CNTNAP4: variants seen among roughly 807,000 people sequenced by gnomAD.
The protein encoded by CNTNAP4 is contactin associated protein family member 4, also known as contactin-associated protein-like 4.
A neutral mutation model predicts 148.4 loss-of-function variants in CNTNAP4; 98 were observed. The observed-to-expected ratio is 0.66, with a 90% CI of 0.56 to 0.78. The LOEUF (loss-of-function observed/expected upper bound fraction) is 0.78, where lower values mean the gene tolerates loss of function less well. Among genes scored for constraint, CNTNAP4 ranks in the 30% least tolerant of loss-of-function variants. CNTNAP4 has a pLI of 0.00. For missense variants in CNTNAP4, 1,935 were observed against 1,565.6 expected, an observed-to-expected ratio of 1.24 and a Z score of -3.98; for synonymous variants, 730 against 565.1, an observed-to-expected ratio of 1.29 and a Z score of -4.14.
chr16:76,406,289 C>G (rs1382806872), intron 3 of CNTNAP4, among the ~76,000 whole-genome samples: 1 of 152,038 alleles, frequency 6.6e-6, no homozygotes, highest in Non-Finnish European at 1.5e-5. Flanking sequence ...TCATATTCAG[C>G]AGCAAACTTA....
rs370415071 is a variant in CNTNAP4 at position 76,452,642 on chromosome 16, T to C, written c.1206T>C (p.Asn402=). 2.8e-5 allele frequency: 45 copies of C among 1,613,986 alleles called. No homozygotes were observed. The African/African-American group carries it at 5.9e-4, about 21-fold the overall frequency. The change falls in exon 8 of 24, where the codon AAT becomes AAC. Residue 402 remains asparagine, a synonymous_variant. Coordinates refer to ENST00000611870, the MANE Select transcript of CNTNAP4 (RefSeq NM_033401.5). ...CCACTTTTCAATTTCGAACTTGGAA[T>C]AAGGCAGGGCTTCTGCTGTTCAGTG... ...VSATFQFRTW[N]KAGLLLFSEL...
rs149837790 is a variant in CNTNAP4, at chr16:76,467,011, T to C, written c.1484-341T>C. On this transcript the variant is annotated intron_variant, in intron 9 of 23. Coordinates refer to ENST00000611870, the MANE Select transcript of CNTNAP4 (RefSeq NM_033401.5). Reference sequence around the variant, plus strand: ...TTCTTAATTTTGCAATTCAAAATACTAAGTTCCCATCTGTAAGTTATATAT... The same window carrying C: ...TTCTTAATTTTGCAATTCAAAATACCAAGTTCCCATCTGTAAGTTATATAT... Among the ~76,000 whole-genome samples the C allele has an allele frequency of 3.3e-3, 496 of 152,288 alleles. 2 individuals carry two copies. Among genetic ancestry groups the C allele is most frequent in the African/African-American group, 0.012 (484 of 41,578 alleles).
chr16:76,336,779 T>G (rs982553818), intron 2 of CNTNAP4, among the ~76,000 whole-genome samples: 1 of 152,244 alleles, frequency 6.6e-6, no homozygotes, highest in Admixed American at 6.5e-5. Flanking sequence ...TGAGTTGACA[T>G]GTTGGTTGAT....
intron 23 of CNTNAP4, among the ~76,000 whole-genome samples, chr16:76,556,161 A>G (rs1337933715): frequency 2.0e-5 from 3 of 152,060 alleles, no homozygotes; most frequent in Admixed American, 6.6e-5. Flanking sequence ...ATAAGATGGG[A>G]TAATTTATTT....
chr16:76,398,732 TTC>T (rs2078298697), intron 3 of CNTNAP4, among the ~76,000 whole-genome samples: 1 of 152,126 alleles, frequency 6.6e-6, no homozygotes, highest in Admixed American at 6.6e-5. Context: ...CTATCCAACT[TTC>T]TGATTTTGAC....
intron 10 of CNTNAP4, among the ~76,000 whole-genome samples, chr16:76,471,158 G>C (rs962154804): frequency 1.3e-5 from 2 of 151,958 alleles, no homozygotes; most frequent in Admixed American, 6.6e-5. Flanking sequence ...CTTGTCCTCT[G>C]TGGACATGCA....
rs934711958 is a variant in CNTNAP4, at chr16:76,466,600, C to T, written c.1484-752C>T. The stretch of plus-strand genomic sequence containing the variant: ...TCATACTCGATAAACTTATTTATTC[C>T]ACTTGGATAGAGAAACATTTAGAAT... On this transcript the variant is annotated intron_variant, in intron 9 of 23. Coordinates refer to ENST00000611870, the MANE Select transcript of CNTNAP4 (RefSeq NM_033401.5). 3.3e-5 allele frequency among the ~76,000 whole-genome samples: 5 copies of T among 151,594 alleles called. No individual in the cohort carries two copies. In the East Asian group the frequency reaches 9.6e-4, roughly 29 times the overall value.
chr16:76,440,359 T>A (rs1280337922), intron 4 of CNTNAP4, among the ~76,000 whole-genome samples: 1 of 152,156 alleles, frequency 6.6e-6, no homozygotes, highest in African/African-American at 2.4e-5. Context: ...TTTTTCTCTT[T>A]TAAGTTTTTA....
chr16:76,283,337 C>G (rs974857230), intron 1 of CNTNAP4, among the ~76,000 whole-genome samples: 9 of 152,052 alleles, frequency 5.9e-5, no homozygotes, highest in African/African-American at 2.2e-4. Context: ...AGAAATCGTT[C>G]TGTTATAAAG....
chr16:76,482,046 G>C (rs1597688203), intron 12 of CNTNAP4, among the ~76,000 whole-genome samples: 1 of 151,664 alleles, frequency 6.6e-6, no homozygotes, highest in Admixed American at 6.6e-5. Flanking sequence ...GTAGTTTTAA[G>C]AAACGGTGGG....
intron 4 of CNTNAP4, among the ~76,000 whole-genome samples, chr16:76,429,906 A>G (rs1333358496): frequency 6.6e-6 from 1 of 152,218 alleles, no homozygotes; most frequent in Non-Finnish European, 1.5e-5. Flanking sequence ...TTAAACACAT[A>G]TAGTGAAATA....
intron 2 of CNTNAP4, among the ~76,000 whole-genome samples, chr16:76,331,425 T>A (rs370816254): frequency 6.6e-6 from 1 of 151,914 alleles, no homozygotes; most frequent in Non-Finnish European, 1.5e-5. Context: ...CCTGACCTCG[T>A]GATCCACCTG....
At chr16:76,460,773 A>ATATATATATATATATATATAT (rs1555564517) in intron 8 of CNTNAP4, among the ~76,000 whole-genome samples, 10 of 57,324 alleles carry the variant, frequency 1.7e-4, no homozygotes, top group African/African-American at 6.4e-4. Flanking sequence ...AAAAAAAAAA[A>ATATATATATATATATATATAT]ATATATATAT....
intron 3 of CNTNAP4, among the ~76,000 whole-genome samples, chr16:76,375,882 G>A (rs2015364799): frequency 6.6e-6 from 1 of 152,208 alleles, no homozygotes; most frequent in Admixed American, 6.5e-5. Context: ...TAGCAGTTAA[G>A]GATGTCATCT....
intron 2 of CNTNAP4, among the ~76,000 whole-genome samples, chr16:76,351,293 G>A (rs976255423): frequency 8.6e-5 from 13 of 151,968 alleles, no homozygotes; most frequent in African/African-American, 3.1e-4. Flanking sequence ...GTGGCCATAC[G>A]GCTGGTGGTC....
At chr16:76,334,889 G>A (rs1201844092) in intron 2 of CNTNAP4, among the ~76,000 whole-genome samples, 5 of 151,860 alleles carry the variant, frequency 3.3e-5, no homozygotes, top group Non-Finnish European at 5.9e-5. Flanking sequence ...CTTTCCATCT[G>A]GTTAACCTTG....
chr16:76,483,231 AAC>A (rs59206208), intron 12 of CNTNAP4, among the ~76,000 whole-genome samples: 10,688 of 139,902 alleles, frequency 0.076, 423 homozygotes, highest in African/African-American at 0.09. Context: ...AGTTTTAAGA[AAC>A]ACACACACAC....
At chr16:76,319,527 A>C (rs762841145) in intron 2 of CNTNAP4, among the ~76,000 whole-genome samples, 35 of 152,214 alleles carry the variant, frequency 2.3e-4, no homozygotes, top group Non-Finnish European at 4.7e-4. Flanking sequence ...ATCCTAACCC[A>C]AATACCGATG....
intron 3 of CNTNAP4, among the ~76,000 whole-genome samples, chr16:76,378,053 C>T (rs1218980433): frequency 1.3e-5 from 2 of 152,096 alleles, no homozygotes; most frequent in Admixed American, 6.5e-5. Context: ...CCAGGCTGCT[C>T]GAATCCAGAG....
Sources: allele counts gnomAD v4.1 joint callset (sites outside exome capture counted in the v4.1 genomes callset), GRCh38; gene constraint gnomAD v4.1.1; transcripts MANE v1.5; gene names NCBI Gene and HGNC (gene_info 2026-07-23, HGNC 2026-07-21).